The following BLK variants were observed in gnomAD, a reference collection of about 807,000 sequenced individuals.
BLK encodes tyrosine-protein kinase Blk.
A neutral mutation model predicts 61.8 loss-of-function variants in BLK; 64 were observed. The ratio of observed to expected loss-of-function variants is 1.03; its 90% confidence interval spans 0.85 to 1.27. The LOEUF is 1.27. Ranked by LOEUF, BLK falls within the 50% of genes most tolerant of loss-of-function variation. The probability of loss-of-function intolerance (pLI) is 0.00; values close to 1 mark genes in which losing one functional copy is unlikely to be tolerated. For missense variants in BLK, 853 were observed against 660.5 expected, an observed-to-expected ratio of 1.29 and a Z score of -3.19; for synonymous variants, 351 against 272.0, an observed-to-expected ratio of 1.29 and a Z score of -2.86.
At chr8:11,512,977 A>G (rs1799076613) in intron 1 of BLK, among the ~76,000 whole-genome samples, 1 of 152,202 alleles carries the variant, frequency 6.6e-6, no homozygotes, top group African/African-American at 2.4e-5. Flanking sequence ...AGATTATTCA[A>G]TTTTAAGGTC....
At chr8:11,536,913 T>C (rs1343707550) in intron 1 of BLK, among the ~76,000 whole-genome samples, 1 of 152,198 alleles carries the variant, frequency 6.6e-6, no homozygotes, top group Non-Finnish European at 1.5e-5. Context: ...ATCGGGTGCA[T>C]GCCTTTCCTC....
chr8:11,503,046 T>G (rs952995542), intron 1 of BLK, among the ~76,000 whole-genome samples: 2 of 152,158 alleles, frequency 1.3e-5, no homozygotes, highest in East Asian at 3.9e-4. Context: ...ATCTCTACTC[T>G]CTGCTGGCCT....
chr8:11,515,702 T>C (rs1431914879), intron 1 of BLK, among the ~76,000 whole-genome samples: 1 of 152,116 alleles, frequency 6.6e-6, no homozygotes, highest in African/African-American at 2.4e-5. Flanking sequence ...GTGCTTAAAA[T>C]GCAATTTTCC....
At chr8:11,496,646 C>T (rs1798369079) in intron 1 of BLK, among the ~76,000 whole-genome samples, 1 of 152,180 alleles carries the variant, frequency 6.6e-6, no homozygotes, top group Admixed American at 6.5e-5. Context: ...CTCCTGGCAC[C>T]CCAAGCACAG....
At chr8:11,509,384 T>C (rs1798908327) in intron 1 of BLK, 1 of 152,212 alleles carries the variant, frequency 6.6e-6, no homozygotes, top group African/African-American at 2.4e-5. Context: ...AGCCAATTCA[T>C]GGATGACGTG....
At chr8:11,508,893 T>G (rs1288747343) in intron 1 of BLK, among the ~76,000 whole-genome samples, 1 of 151,824 alleles carries the variant, frequency 6.6e-6, no homozygotes, top group Non-Finnish European at 1.5e-5. Context: ...TCGAGGGAGG[T>G]GCCTGCCCAT....
intron 1 of BLK, among the ~76,000 whole-genome samples, chr8:11,514,072 C>T (rs1799129213): frequency 6.6e-6 from 1 of 152,184 alleles, no homozygotes; most frequent in Admixed American, 6.5e-5. Context: ...GGGATCGGAC[C>T]TTCCCTTCTG....
chr8:11,496,899 T>C (rs1352238425), intron 1 of BLK, among the ~76,000 whole-genome samples: 1 of 152,038 alleles, frequency 6.6e-6, no homozygotes, highest in Non-Finnish European at 1.5e-5. Context: ...CCAGATCCCA[T>C]TTGAGTGAGG....
chr8:11,494,843 T>G (rs983744637), intron 1 of BLK, among the ~76,000 whole-genome samples: 1 of 152,130 alleles, frequency 6.6e-6, no homozygotes, highest in Non-Finnish European at 1.5e-5. Context: ...GAAAAGGCAG[T>G]GAATGTGCCA....
At chr8:11,547,260 C>G (rs182575117) in intron 3 of BLK, among the ~76,000 whole-genome samples, 29 of 152,364 alleles carry the variant, frequency 1.9e-4, no homozygotes, top group African/African-American at 7.0e-4. Context: ...TTCTGACCCT[C>G]GCTTTCCTGC....
intron 1 of BLK, among the ~76,000 whole-genome samples, chr8:11,520,889 G>A (rs1799423723): frequency 1.3e-5 from 2 of 152,044 alleles, no homozygotes; most frequent in Admixed American, 1.3e-4. Flanking sequence ...CATTAGCAAT[G>A]CCAATTCTCC....
chr8:11,539,921 T>G (rs1418313034), intron 1 of BLK, among the ~76,000 whole-genome samples: 1 of 152,236 alleles, frequency 6.6e-6, no homozygotes, highest in Non-Finnish European at 1.5e-5. Context: ...TGTCAAAAGT[T>G]TATGAGCTTT....
At chr8:11,560,562 G>A (rs1354604128) in intron 10 of BLK, 1 of 291,490 alleles carries the variant, frequency 3.4e-6, no homozygotes, top group Non-Finnish European at 6.7e-6. Context: ...CCATTGATTG[G>A]GTGAATAAAG....
In BLK at chr8:11,564,514, C is replaced by A. The variant is rs964078952; in HGVS notation, c.*406C>A. 1.0e-5 allele frequency: 5 copies of A among 492,822 alleles called. No individual in the cohort carries two copies. The highest frequency in any genetic ancestry group is 7.8e-5 in the African/African-American group (4 of 51,576). 30.5% of individuals were successfully genotyped at this position (492,822 alleles called of 1,614,324 possible). On this transcript the variant is annotated 3_prime_UTR_variant, in exon 13 of 13. Coordinates refer to ENST00000259089, the MANE Select transcript of BLK (RefSeq NM_001715.3). ...CCCCGCTACAGAAGCCAGACTGGGTCCCGCGGACGCCAGCAGGGGCAGCCC... is the reference window on the plus strand; with the variant it reads ...CCCCGCTACAGAAGCCAGACTGGGTACCGCGGACGCCAGCAGGGGCAGCCC...
At chr8:11,535,178 T>TGAAA (rs377268174) in intron 1 of BLK, among the ~76,000 whole-genome samples, 18 of 109,634 alleles carry the variant, frequency 1.6e-4, no homozygotes, top group East Asian at 5.4e-4. Flanking sequence ...GACAGATGAA[T>TGAAA]GAAAGAAAGA....
intron 10 of BLK, among the ~76,000 whole-genome samples, chr8:11,559,383 TCA>T (rs572103816): frequency 2.5e-5 from 3 of 120,520 alleles, no homozygotes; most frequent in Admixed American, 1.6e-4. Context: ...ACACGCAAAC[TCA>T]CACACAGACA....
chr8:11,527,344 C>G (rs977661354), intron 1 of BLK, among the ~76,000 whole-genome samples: 2 of 152,210 alleles, frequency 1.3e-5, no homozygotes, highest in Non-Finnish European at 2.9e-5. Flanking sequence ...CCACCACAAT[C>G]AAAATGGACA....
chr8:11,548,888 TC>T, intron 4 of BLK, 135 bp from the exon 5 acceptor site: 1 of 820,602 alleles, frequency 1.2e-6, no homozygotes. Flanking sequence ...ACAAGCCCCT[TC>T]CTGCCTGCCG....
At chr8:11,558,966 G>A (rs1467461159) in intron 10 of BLK, 2 of 456,294 alleles carry the variant, frequency 4.4e-6, no homozygotes, top group Non-Finnish European at 8.8e-6. Context: ...GCTGAGGTGG[G>A]CAGACAGCCA....
Sources: allele counts gnomAD v4.1 joint callset (sites outside exome capture counted in the v4.1 genomes callset), GRCh38; gene constraint gnomAD v4.1.1; transcripts MANE v1.5; gene names NCBI Gene and HGNC (gene_info 2026-07-23, HGNC 2026-07-21).